RAD51B: variants seen among roughly 807,000 people sequenced by gnomAD.
The protein encoded by RAD51B is RAD51 paralog B, also known as DNA repair protein RAD51 homolog 2.
Under a neutral mutation model 42.2 loss-of-function variants are expected in RAD51B, and 38 were observed. The ratio of observed to expected loss-of-function variants is 0.90; its 90% confidence interval spans 0.70 to 1.18. The LOEUF (loss-of-function observed/expected upper bound fraction) is 1.18, where lower values mean the gene tolerates loss of function less well. Ranked by LOEUF, RAD51B falls within the 50% of genes most tolerant of loss-of-function variation. The pLI, the probability that RAD51B is intolerant of heterozygous loss-of-function variation, is 0.00. For synonymous variants in RAD51B, 154 were observed against 145.2 expected (o/e 1.06, Z -0.43); for missense variants, 373 against 400.7 (o/e 0.93, Z 0.59).
intron 7 of RAD51B, among the ~76,000 whole-genome samples, chr14:67,917,309 G>A (rs371721971): frequency 2.0e-5 from 3 of 152,288 alleles, no homozygotes; most frequent in South Asian, 2.1e-4. Context: ...CTCAACTTCC[G>A]CGGAGGCCTC....
At chr14:68,479,806 C>T (rs1282333764), downstream of RAD51B, among the ~76,000 whole-genome samples, 1 of 150,814 alleles carries the variant, frequency 6.6e-6, no homozygotes, top group East Asian at 2.0e-4. Flanking sequence ...GTAGCTGGGA[C>T]CACAGATGGG....
At chr14:68,371,376 G>A (rs1195096446) in intron 8 of RAD51B, among the ~76,000 whole-genome samples, 1 of 152,166 alleles carries the variant, frequency 6.6e-6, no homozygotes, top group African/African-American at 2.4e-5. Context: ...AAATTAGCTG[G>A]GCGTGGTGGT....
intron 7 of RAD51B, among the ~76,000 whole-genome samples, chr14:68,216,757 C>T (rs1214374102): frequency 6.6e-6 from 1 of 152,156 alleles, no homozygotes; most frequent in Non-Finnish European, 1.5e-5. Context: ...CCTCCATCAG[C>T]AGGGATTAGG....
At chr14:68,004,366 G>C (rs1231875233) in intron 7 of RAD51B, among the ~76,000 whole-genome samples, 1 of 150,546 alleles carries the variant, frequency 6.6e-6, no homozygotes, top group Admixed American at 6.6e-5. Flanking sequence ...GAATATATTG[G>C]TGGATTTTTT....
intron 7 of RAD51B, among the ~76,000 whole-genome samples, chr14:68,035,495 A>T (rs1449967730): frequency 6.6e-6 from 1 of 152,226 alleles, no homozygotes; most frequent in Non-Finnish European, 1.5e-5. Flanking sequence ...GGCTTTCCTC[A>T]TTACTGTTTT....
intron 7 of RAD51B, among the ~76,000 whole-genome samples, chr14:68,050,033 T>C (rs960034835): frequency 6.6e-6 from 1 of 152,226 alleles, no homozygotes; most frequent in African/African-American, 2.4e-5. Context: ...TTACAATTTA[T>C]TTAAATCTTT....
At chr14:68,020,150 C>T (rs1285244175) in intron 7 of RAD51B, among the ~76,000 whole-genome samples, 3 of 152,158 alleles carry the variant, frequency 2.0e-5, no homozygotes, top group Non-Finnish European at 4.4e-5. Context: ...CACTATCTCA[C>T]CTAGACTGGA....
chr14:68,005,857 G>A (rs972772012), intron 7 of RAD51B, among the ~76,000 whole-genome samples: 1 of 152,168 alleles, frequency 6.6e-6, no homozygotes, highest in African/African-American at 2.4e-5. Flanking sequence ...GGCTTCTGGG[G>A]AGGCCTCAAG....
chr14:68,468,080 G>C (rs981416869), intron 9 of RAD51B, 92 bp from the exon 10 acceptor site: 1 of 1,062,424 alleles, frequency 9.4e-7, no homozygotes, highest in Non-Finnish European at 1.5e-6. Flanking sequence ...ACAGTCCTAT[G>C]TTACCACTTT....
At chr14:68,442,447 T>TC (rs1225076483) in intron 9 of RAD51B, among the ~76,000 whole-genome samples, 2 of 143,100 alleles carry the variant, frequency 1.4e-5, no homozygotes, top group African/African-American at 5.2e-5. Flanking sequence ...TTTTTTTTTT[T>TC]TTTTTTTTTT....
chr14:68,254,923 T>C (rs1229013495), intron 7 of RAD51B, among the ~76,000 whole-genome samples: 2 of 152,176 alleles, frequency 1.3e-5, no homozygotes, highest in East Asian at 3.8e-4. Context: ...AATAGTCCAA[T>C]ATATTCCTCT....
At chr14:67,849,003 T>G (rs8007989) in intron 4 of RAD51B, among the ~76,000 whole-genome samples, 9,768 of 152,242 alleles carry the variant, frequency 0.064, 701 homozygotes, top group African/African-American at 0.18. Flanking sequence ...CTCTCTTGCT[T>G]CCTTCAAGAC....
At chr14:68,099,101 G>C (rs926401967) in intron 7 of RAD51B, among the ~76,000 whole-genome samples, 3 of 152,100 alleles carry the variant, frequency 2.0e-5, no homozygotes, top group Non-Finnish European at 2.9e-5. Context: ...TAGGTTTAAC[G>C]AAGTTGAAAA....
At chr14:68,249,299 T>C (rs1399519546) in intron 7 of RAD51B, among the ~76,000 whole-genome samples, 1 of 152,210 alleles carries the variant, frequency 6.6e-6, no homozygotes, top group Admixed American at 6.5e-5. Flanking sequence ...AATACTTCTT[T>C]GGATTTTTGC....
intron 5 of RAD51B, 34 bp downstream of exon 5, chr14:67,865,173 C>A: frequency 6.5e-7 from 1 of 1,545,848 alleles, no homozygotes; most frequent in Non-Finnish European, 8.8e-7. Flanking sequence ...TAATGTTTTA[C>A]TTTTGTAACT....
chr14:68,655,124 ATGG>A (rs1182332352), intron 11 of RAD51B, among the ~76,000 whole-genome samples: 2 of 132,140 alleles, frequency 1.5e-5, no homozygotes, highest in Non-Finnish European at 1.6e-5. Context: ...CAGGAGGCAA[ATGG>A]TGAGTGTGTG....
chr14:68,343,170 A>C (rs2082605780), intron 8 of RAD51B, among the ~76,000 whole-genome samples: 1 of 152,132 alleles, frequency 6.6e-6, no homozygotes, highest in Admixed American at 6.6e-5. Flanking sequence ...CTCTCTTAAC[A>C]ATTTTCAAAT....
chr14:68,379,282 A>G (rs2083432860), intron 8 of RAD51B, among the ~76,000 whole-genome samples: 1 of 152,222 alleles, frequency 6.6e-6, no homozygotes, highest in African/African-American at 2.4e-5. Context: ...ATTAATTAAA[A>G]TTTATATATT....
At chr14:68,571,114 T>C (rs1424675227) in intron 10 of RAD51B, among the ~76,000 whole-genome samples, 2 of 152,120 alleles carry the variant, frequency 1.3e-5, no homozygotes, top group African/African-American at 4.8e-5. Flanking sequence ...TGTCAAGCAA[T>C]GGCAAGTTTT....
Sources: gnomAD v4.1 joint callset for allele counts (sites outside exome capture counted in the v4.1 genomes callset) on GRCh38, gnomAD v4.1.1 for gene constraint, MANE v1.5 for transcripts, NCBI Gene and HGNC (gene_info 2026-07-23, HGNC 2026-07-21) for gene names.